Variants in SIL1 observed in about 807,000 individuals in gnomAD.
SIL1 encodes nucleotide exchange factor SIL1.
Under a neutral mutation model 49.1 loss-of-function variants are expected in SIL1, and 40 were observed. That is an observed-to-expected ratio of 0.81 (90% CI 0.63 to 1.06). SIL1 has a LOEUF of 1.06. Among genes scored for constraint, SIL1 ranks in the 50% least tolerant of loss-of-function variants. The pLI, the probability that SIL1 is intolerant of heterozygous loss-of-function variation, is 0.00. For missense variants in SIL1, 500 were observed against 572.6 expected, an observed-to-expected ratio of 0.87 and a Z score of 1.29; for synonymous variants, 253 against 250.8, an observed-to-expected ratio of 1.01 and a Z score of -0.08.
At chr5:138,980,290 A>G (rs960248514) in intron 7 of SIL1, among the ~76,000 whole-genome samples, 2 of 152,230 alleles carry the variant, frequency 1.3e-5, no homozygotes, top group African/African-American at 4.8e-5. Flanking sequence ...GTGCTTCATC[A>G]AAGCACCTCA....
chr5:138,974,948 T>G (rs1308145587), intron 7 of SIL1, among the ~76,000 whole-genome samples: 2 of 152,192 alleles, frequency 1.3e-5, no homozygotes, highest in Non-Finnish European at 2.9e-5. Context: ...TTAGGTTAAG[T>G]AACTTGCCCA....
chr5:138,981,766 C>T (rs1344446492), intron 7 of SIL1, among the ~76,000 whole-genome samples: 1 of 152,194 alleles, frequency 6.6e-6, no homozygotes, highest in Non-Finnish European at 1.5e-5. Flanking sequence ...CCAAGTCAGT[C>T]CTGTAGGAAA....
chr5:139,134,311 A>C (rs1382669021), intron 1 of SIL1, among the ~76,000 whole-genome samples: 4 of 152,042 alleles, frequency 2.6e-5, no homozygotes, highest in Non-Finnish European at 5.9e-5. Flanking sequence ...AAAATTTATT[A>C]TTTTTGTAGA....
chr5:139,075,317 A>G (rs1769925667), intron 3 of SIL1, among the ~76,000 whole-genome samples: 1 of 152,166 alleles, frequency 6.6e-6, no homozygotes. Context: ...AAAAACTCCC[A>G]TCCCCTAGAA....
intron 1 of SIL1, among the ~76,000 whole-genome samples, chr5:139,174,112 G>C (rs1447129565): frequency 6.6e-6 from 1 of 152,066 alleles, no homozygotes; most frequent in South Asian, 2.1e-4. Context: ...CAATGAGATA[G>C]AGAATAGAAA....
At chr5:139,182,168 T>C (rs1751996078) in intron 1 of SIL1, among the ~76,000 whole-genome samples, 1 of 152,210 alleles carries the variant, frequency 6.6e-6, no homozygotes, top group Non-Finnish European at 1.5e-5. Flanking sequence ...CTCAACACGC[T>C]GCTCTCATTG....
In SIL1 at chr5:139,077,893, C is replaced by T. The variant is rs149757043; in HGVS notation, c.245-26847G>A. ...CTAGGAGGAGGAGATTATAGTGTTG[C>T]GGGGGAGTGGTATACATGATTGTGC... On this transcript the variant is annotated intron_variant, in intron 3 of 9. Transcript: ENST00000394817. Among the ~76,000 whole-genome samples, 1,064 of 152,162 alleles carry T rather than the reference C, an allele frequency of 7.0e-3. 8 individuals are homozygous for T. Among genetic ancestry groups the T allele is most frequent in the Non-Finnish European group, 0.012 (788 of 68,002 alleles).
intron 4 of SIL1, among the ~76,000 whole-genome samples, chr5:139,048,321 A>G (rs1398589041): frequency 1.4e-5 from 2 of 146,248 alleles, no homozygotes; most frequent in Admixed American, 6.8e-5. Flanking sequence ...ACACCCAGCT[A>G]ATTTTTGGTT....
At chr5:139,104,740 G>T (rs983314528) in intron 3 of SIL1, among the ~76,000 whole-genome samples, 1 of 152,146 alleles carries the variant, frequency 6.6e-6, no homozygotes, top group African/African-American at 2.4e-5. Context: ...TTGATTCCCA[G>T]GTAGGCTGTG....
intron 3 of SIL1, among the ~76,000 whole-genome samples, chr5:139,099,190 C>T (rs954458604): frequency 5.3e-5 from 8 of 152,056 alleles, no homozygotes; most frequent in African/African-American, 1.7e-4. Flanking sequence ...CATCACTGAT[C>T]GTCAGAGAAA....
rs368881055 is a variant in SIL1 at position 139,141,670 on chromosome 5, T to TA, written c.-10-13818dup. On this transcript the variant is annotated intron_variant, in intron 1 of 9. Transcript: ENST00000394817. ...ACCCCTATCTTTAAAAGCAGATGCA[T>TA]AAAAAATTGTTGAGTGGAAGTGAAA... 3.3e-5 allele frequency among the ~76,000 whole-genome samples: 5 copies of TA among 152,054 alleles called. No homozygotes were observed. In the East Asian group the frequency reaches 7.7e-4, roughly 24 times the overall value.
At chr5:139,108,386 T>C (rs1382692856) in intron 3 of SIL1, among the ~76,000 whole-genome samples, 1 of 152,188 alleles carries the variant, frequency 6.6e-6, no homozygotes, top group African/African-American at 2.4e-5. Context: ...AAAAAGCTCC[T>C]GGGATTGCTT....
chr5:139,056,284 G>A (rs1269585513), intron 3 of SIL1, among the ~76,000 whole-genome samples: 4 of 147,070 alleles, frequency 2.7e-5, no homozygotes, highest in East Asian at 2.0e-4. Flanking sequence ...CTGCCCGGCC[G>A]CCCATCGTCT....
At chr5:139,011,998 C>T (rs1229164434) in intron 7 of SIL1, among the ~76,000 whole-genome samples, 1 of 152,196 alleles carries the variant, frequency 6.6e-6, no homozygotes, top group African/African-American at 2.4e-5. Flanking sequence ...GACTCAGCCA[C>T]CTACCCACCT....
At chr5:138,955,542 G>A (rs1473931654) in intron 7 of SIL1, among the ~76,000 whole-genome samples, 1 of 152,228 alleles carries the variant, frequency 6.6e-6, no homozygotes, top group Non-Finnish European at 1.5e-5. Context: ...GCTAACTGAA[G>A]CTAAGCAAGT....
intron 7 of SIL1, among the ~76,000 whole-genome samples, chr5:138,995,657 A>G (rs1767851898): frequency 6.6e-6 from 1 of 152,212 alleles, no homozygotes. Flanking sequence ...CAATGGTGCT[A>G]CTGCTTCTAT....
chr5:139,063,249 G>C (rs2150466674), intron 3 of SIL1, among the ~76,000 whole-genome samples: 1 of 152,314 alleles, frequency 6.6e-6, no homozygotes, highest in East Asian at 1.9e-4. Flanking sequence ...CTCCTACTGA[G>C]AAAAGCATCA....
chr5:138,993,875 AC>A (rs1294433715), intron 7 of SIL1, among the ~76,000 whole-genome samples: 29 of 152,256 alleles, frequency 1.9e-4, no homozygotes, highest in African/African-American at 7.0e-4. Flanking sequence ...TCACACTTGG[AC>A]TCCTGACCTA....
intron 7 of SIL1, among the ~76,000 whole-genome samples, chr5:138,978,903 C>T (rs1027630470): frequency 6.6e-6 from 1 of 151,854 alleles, no homozygotes; most frequent in Non-Finnish European, 1.5e-5. Context: ...TTTTTAATTA[C>T]GTTGTTTTCT....
Sources: allele counts gnomAD v4.1 joint callset (sites outside exome capture counted in the v4.1 genomes callset), GRCh38; gene constraint gnomAD v4.1.1; transcripts MANE v1.5; gene names NCBI Gene and HGNC (gene_info 2026-07-23, HGNC 2026-07-21).